The following ANGEL2 variants were observed in gnomAD, a reference collection of about 807,000 sequenced individuals.
ANGEL2 encodes RNA 2',3'-cyclic phosphatase ANGEL2.
In ANGEL2, 41 loss-of-function variants were observed where a neutral mutation model predicts 66.0. That is an observed-to-expected ratio of 0.62 (90% CI 0.48 to 0.81). The LOEUF (loss-of-function observed/expected upper bound fraction) is 0.81, where lower values mean the gene tolerates loss of function less well. Ranked by LOEUF, ANGEL2 falls within the 30% of genes least tolerant of loss-of-function variation. The pLI is 0.00. For missense variants in ANGEL2, 561 were observed against 641.6 expected, an observed-to-expected ratio of 0.87 and a Z score of 1.36; for synonymous variants, 208 against 226.5, an observed-to-expected ratio of 0.92 and a Z score of 0.73.
chr1:213,007,074 CAG>C, intron 4 of ANGEL2, 53 bp downstream of exon 4: 1 of 1,491,808 alleles, frequency 6.7e-7, no homozygotes. Context: ...AGTTGGGCGA[CAG>C]AGTGAGACCC....
intron 1 of ANGEL2, among the ~76,000 whole-genome samples, chr1:213,014,643 T>TC (rs2076592020): frequency 6.6e-6 from 1 of 152,228 alleles, no homozygotes; most frequent in Non-Finnish European, 1.5e-5. Flanking sequence ...GACTTTTTTT[T>TC]CTCTTAAGAT....
chr1:213,005,649 C>G (rs575802581), intron 4 of ANGEL2, among the ~76,000 whole-genome samples, 195 bp from the exon 5 acceptor site: 1 of 152,298 alleles, frequency 6.6e-6, no homozygotes, highest in Admixed American at 6.5e-5. Flanking sequence ...CAGACTTCAG[C>G]CCTTGATATG....
intron 8 of ANGEL2, among the ~76,000 whole-genome samples, chr1:212,995,604 T>G (rs1262924649): frequency 1.3e-5 from 2 of 152,244 alleles, no homozygotes; most frequent in African/African-American, 2.4e-5. Context: ...TAGTCCCAGA[T>G]AGTCAGCACC....
At chr1:213,011,056 T>C (rs1329679561) in intron 2 of ANGEL2, among the ~76,000 whole-genome samples, 1 of 152,218 alleles carries the variant, frequency 6.6e-6, no homozygotes, top group African/African-American at 2.4e-5. Flanking sequence ...ACATATTTTA[T>C]ACTGACCACA....
In ANGEL2 at chr1:213,003,667, G is replaced by A. The variant is rs78575464; in HGVS notation, c.1134+1366C>T. On this transcript the variant is annotated intron_variant, in intron 5 of 8. Coordinates refer to ENST00000366962, the MANE Select transcript of ANGEL2 (RefSeq NM_144567.5). Reference sequence around the variant, plus strand: ...GTAATATCGAAGATCACTAATCTTGGATCAACATAACAGATGTTAATAATA... The same window carrying A: ...GTAATATCGAAGATCACTAATCTTGAATCAACATAACAGATGTTAATAATA... Among the ~76,000 whole-genome samples, 1,343 of 152,218 alleles carry A rather than the reference G, an allele frequency of 8.8e-3. 22 individuals are homozygous for A. Among genetic ancestry groups the A allele is most frequent in the African/African-American group, 0.03 (1,250 of 41,516 alleles).
chr1:213,013,056 G>A (rs1256149035), intron 2 of ANGEL2, 37 bp downstream of exon 2: 1 of 1,576,706 alleles, frequency 6.3e-7, no homozygotes, highest in Non-Finnish European at 8.6e-7. Flanking sequence ...TCTATCACTT[G>A]TATCTATTTC....
At chr1:213,010,798 T>G (rs776692513) in intron 2 of ANGEL2, among the ~76,000 whole-genome samples, 5 of 152,222 alleles carry the variant, frequency 3.3e-5, no homozygotes, top group Non-Finnish European at 7.3e-5. Context: ...TTATTCATAT[T>G]TCCTTATAAA....
chr1:213,005,603 A>C, intron 4 of ANGEL2, 149 bp from the exon 5 acceptor site: 1 of 872,936 alleles, frequency 1.1e-6, no homozygotes, highest in South Asian at 1.9e-5. Flanking sequence ...GGAATAAAAA[A>C]CGTTTGACAC....
chr1:213,012,991 A>G (rs2076546129), intron 2 of ANGEL2, 102 bp downstream of exon 2: 10 of 1,209,176 alleles, frequency 8.3e-6, no homozygotes, highest in Non-Finnish European at 1.1e-5. Flanking sequence ...TCAACACCAA[A>G]CACCTCTAAA....
In ANGEL2 at chr1:212,995,236, G is replaced by T. The variant is rs915406782; in HGVS notation, c.1484-44C>A. 9 of 1,531,274 alleles carry T rather than the reference G, an allele frequency of 5.9e-6. No homozygotes were observed. The Admixed American group carries it at 1.4e-4, about 24-fold the overall frequency. The allele number at this position is 1,531,274 out of a possible 1,614,324, so 94.9% of individuals were successfully genotyped here. A position where few individuals can be genotyped will look rare whatever the true frequency, so the allele number is the denominator to read the frequency against. On this transcript the variant is annotated intron_variant, in intron 8 of 8. Coordinates refer to ENST00000366962, the MANE Select transcript of ANGEL2 (RefSeq NM_144567.5). The stretch of plus-strand genomic sequence containing the variant: ...CACATATTTAGTAAAATTGTCAACG[G>T]GTTATTGTAAATTAATCATACAAGT...
chr1:213,015,725 T>G lies in ANGEL2; in HGVS notation c.-54A>C. 14 of 1,608,412 alleles carry G rather than the reference T, an allele frequency of 8.7e-6. No individual in the cohort carries two copies. The highest frequency in any genetic ancestry group is 1.2e-5 in the Non-Finnish European group (14 of 1,174,990). ...AGGCCCCGGGTTCCACCTCAATCTC[T>G]ATAATCGATGCGACGGCCTAAAGTA... On this transcript the variant is annotated 5_prime_UTR_variant, in exon 1 of 9. An upstream open reading frame in the 5' UTR loses its in-frame stop. Transcript: ENST00000366962.
At chr1:212,996,640 A>AAAAAAAT (rs56102625) in intron 8 of ANGEL2, among the ~76,000 whole-genome samples, 6 of 66,470 alleles carry the variant, frequency 9.0e-5, no homozygotes, top group African/African-American at 3.5e-4. Flanking sequence ...AAAAAAAAAA[A>AAAAAAAT]ATATATATAT....
At position 213,003,969 on chromosome 1, in the gene ANGEL2, G is replaced by C. The variant is rs941130454; in HGVS notation, c.1134+1064C>G. On this transcript the variant is annotated intron_variant, in intron 5 of 8. Coordinates refer to ENST00000366962, the MANE Select transcript of ANGEL2 (RefSeq NM_144567.5). Reference sequence around the variant, plus strand: ...AATCCCAGCACTTTGGGAGGCCGAGGTGAACCTGCAGGTCACCTAAGGTTG... The same window carrying C: ...AATCCCAGCACTTTGGGAGGCCGAGCTGAACCTGCAGGTCACCTAAGGTTG... 5.9e-5 allele frequency among the ~76,000 whole-genome samples: 9 copies of C among 152,134 alleles called. 1 individual carries two copies. The highest frequency in any genetic ancestry group is 4.6e-4 in the Admixed American group (7 of 15,278).
At chr1:213,011,432 G>C in intron 2 of ANGEL2, 1 of 1,127,940 alleles carries the variant, frequency 8.9e-7, no homozygotes, top group East Asian at 7.1e-5. Flanking sequence ...ATGGCTTAAC[G>C]AAGAGCATTT....
intron 2 of ANGEL2, among the ~76,000 whole-genome samples, chr1:213,009,049 A>G (rs535820850): frequency 2.8e-3 from 425 of 152,370 alleles, no homozygotes; most frequent in African/African-American, 1.0e-2. Flanking sequence ...ACAAAATAAC[A>G]AAAGAAATCT....
chr1:213,007,516 A>C (rs2076368904), intron 3 of ANGEL2, among the ~76,000 whole-genome samples: 1 of 152,180 alleles, frequency 6.6e-6, no homozygotes, highest in Non-Finnish European at 1.5e-5. Context: ...ACTATCTTTC[A>C]GGTCTTAAGA....
chr1:213,011,987 T>A (rs190125387), intron 2 of ANGEL2, among the ~76,000 whole-genome samples: 4 of 152,354 alleles, frequency 2.6e-5, no homozygotes, highest in Admixed American at 2.6e-4. Flanking sequence ...ATGCTGTGGT[T>A]AAGTACTATA....
At position 213,005,325 on chromosome 1, in the gene ANGEL2, A is replaced by C; in HGVS notation, c.842T>G (p.Leu281Trp). The change falls in exon 5 of 9, where the codon TTG becomes TGG. Residue 281 changes from leucine (L) to tryptophan (W), a missense_variant. By Grantham distance (61) the Leu-to-Trp change is moderately conservative. Transcript: ENST00000366962. ...AACTAATCCAACATTGTCTCTGTCCAACAGAGAAATATCAGGGCGGAAGAA... is the reference window on the plus strand; with the variant it reads ...AACTAATCCAACATTGTCTCTGTCCCACAGAGAAATATCAGGGCGGAAGAA... Reference protein sequence around the residue: ...VEFFRPDISLLDRDNVGLVLL... With the variant: ...VEFFRPDISLWDRDNVGLVLL... The C allele has an allele frequency of 6.2e-7, 1 of 1,614,256 alleles. No homozygotes were observed.
In ANGEL2 at chr1:213,008,290, T is replaced by C; in HGVS notation, c.562A>G (p.Arg188Gly). ...DLLEDNSHLY[R>G]HCRRPVLHWS... ...TGTAATACTGGCCGCCGGCAATGTC[T>C]ATAAAGGTGAGAGTTATCTTCCAGT... The change falls in exon 3 of 9, where the codon AGA becomes GGA. Residue 188 changes from arginine to glycine, a missense_variant. Physicochemically the swap from Arg to Gly is moderately radical, Grantham distance 125. Coordinates refer to ENST00000366962, the MANE Select transcript of ANGEL2 (RefSeq NM_144567.5). 1 of 1,614,144 alleles carries C rather than the reference T, an allele frequency of 6.2e-7. No homozygotes were observed. The highest frequency in any genetic ancestry group is 1.1e-5 in the South Asian group (1 of 91,088).
Sources: allele counts gnomAD v4.1 joint callset (sites outside exome capture counted in the v4.1 genomes callset), GRCh38; gene constraint gnomAD v4.1.1; transcripts MANE v1.5; gene names NCBI Gene and HGNC (gene_info 2026-07-23, HGNC 2026-07-21).